Variants in USP9X observed in about 807,000 individuals in gnomAD.
USP9X encodes the protein ubiquitin carboxyl-terminal hydrolase 9X.
In USP9X, 7 loss-of-function variants were observed where a neutral mutation model predicts 190.3. The ratio of observed to expected loss-of-function variants is 0.04; its 90% CI spans 0.02 to 0.07. The LOEUF (loss-of-function observed/expected upper bound fraction) is 0.07, where lower values mean the gene tolerates loss of function less well. Ranked by LOEUF, USP9X falls within the 10% of genes least tolerant of loss-of-function variation. USP9X has a pLI of 1.00. For missense variants in USP9X, 1,010 were observed against 1,916.9 expected (o/e 0.53, Z 8.83); for synonymous variants, 645 against 659.5 (o/e 0.98, Z 0.34).
intron 15 of USP9X, among the ~76,000 whole-genome samples, chrX:41,164,302 C>G (rs941400559): frequency 9.1e-6 from 1 of 109,776 alleles, no homozygotes; most frequent in East Asian, 2.8e-4. Flanking sequence ...GAGGAAAAAC[C>G]TCTACCAAAT....
intron 1 of USP9X, among the ~76,000 whole-genome samples, chrX:41,116,248 C>G (rs1265823324): frequency 8.9e-6 from 1 of 112,362 alleles, no homozygotes; most frequent in Non-Finnish European, 1.9e-5. Flanking sequence ...CGTAAAACTT[C>G]ATGTGGTAAA....
intron 11 of USP9X, among the ~76,000 whole-genome samples, chrX:41,147,913 G>A (rs2147066728): frequency 9.0e-6 from 1 of 111,707 alleles, no homozygotes; most frequent in South Asian, 3.8e-4. Flanking sequence ...GATTCTGGAG[G>A]TTGGGAAGTA....
At chrX:41,087,450 C>G (rs1397012753) in intron 1 of USP9X, among the ~76,000 whole-genome samples, 2 of 112,206 alleles carry the variant, frequency 1.8e-5, no homozygotes, top group African/African-American at 3.2e-5. Flanking sequence ...AGATCTCGCT[C>G]GTCTTCTAAT....
Position 41,224,887 on chromosome X carries a change from C to T in USP9X, c.6897C>T (p.Thr2299=), listed in dbSNP as rs1294373551. 3.3e-6 allele frequency: 4 copies of T among 1,211,682 alleles called. No homozygotes were observed. Among genetic ancestry groups the T allele is most frequent in the East Asian group, 5.9e-5 (2 of 33,845 alleles). The part of the protein sequence containing the change: ...IIEDCSNSEE[T]VKLLRFCCWE... The stretch of plus-strand genomic sequence containing the variant: ...AAGACTGCAGTAATTCAGAGGAAAC[C>T]GTCAAATTGCTTCGTTTTTGCTGCT... Residue 2299 remains threonine, a synonymous_variant, in exon 40 of 45, where the codon ACC becomes ACT. Coordinates refer to ENST00000378308, the MANE Select transcript of USP9X (RefSeq NM_001039591.3).
At position 41,123,529 on chromosome X, in the gene USP9X, C is replaced by A; in HGVS notation, c.-100C>A. ...TTGAATTGGACCTTTTTAAGACTGA[C>A]AAATGCTGGTACTTCATCTTCTATA... is the stretch of plus-strand genomic sequence containing the variant. On this transcript the variant is annotated 5_prime_UTR_variant, in exon 2 of 45. Transcript: ENST00000378308. 1 of 696,196 alleles carries A rather than the reference C, an allele frequency of 1.4e-6. No homozygotes were observed. The highest frequency in any genetic ancestry group is 2.2e-6 in the Non-Finnish European group (1 of 446,309). The allele number at this position is 696,196 out of a possible 1,213,427, so 57.4% of individuals were successfully genotyped here. A position where few individuals can be genotyped will look rare whatever the true frequency, so the allele number is the denominator to read the frequency against.
chrX:41,115,760 C>T (rs1408635518), intron 1 of USP9X, among the ~76,000 whole-genome samples: 1 of 111,847 alleles, frequency 8.9e-6, no homozygotes, highest in Non-Finnish European at 1.9e-5. Flanking sequence ...TTTATTTAAA[C>T]ACCTTTTTTT....
In USP9X at chrX:41,129,162, C is replaced by T. The variant is rs1246828337; in HGVS notation, c.242+17C>T. The T allele has an allele frequency of 2.5e-6, 3 of 1,197,591 alleles. No individual in the cohort carries two copies. Among genetic ancestry groups the T allele is most frequent in the Non-Finnish European group, 1.1e-6 (1 of 891,558 alleles). ...GATCAACAGGTGAGTTGGTGTGTAA[C>T]ACCCAAGAAAGAGAGCAGACAGGAA... On this transcript the variant is annotated intron_variant, in intron 3 of 44. Coordinates refer to ENST00000378308, the MANE Select transcript of USP9X (RefSeq NM_001039591.3).
chrX:41,173,782 T>C (rs768573968), intron 21 of USP9X, among the ~76,000 whole-genome samples: 11 of 111,649 alleles, frequency 9.9e-5, no homozygotes, highest in Non-Finnish European at 1.9e-4. Context: ...GAAAAAACAT[T>C]GTTGAAAGTT....
At chrX:41,130,261 G>C (rs1195605454) in intron 3 of USP9X, among the ~76,000 whole-genome samples, 2 of 110,589 alleles carry the variant, frequency 1.8e-5, no homozygotes, top group Non-Finnish European at 3.8e-5. Context: ...GGTGCCTATA[G>C]TAATGGTATA....
intron 1 of USP9X, among the ~76,000 whole-genome samples, chrX:41,099,388 A>G (rs1019146773): frequency 1.8e-5 from 2 of 111,052 alleles, no homozygotes; most frequent in African/African-American, 3.3e-5. Context: ...GCTTTAGTCA[A>G]TACTGCCAAA....
At chrX:41,128,564 T>C (rs1029829367) in intron 2 of USP9X, among the ~76,000 whole-genome samples, 10 of 112,101 alleles carry the variant, frequency 8.9e-5, no homozygotes, top group Non-Finnish European at 1.5e-4. Flanking sequence ...AGTTGTCCCT[T>C]AGTATTCATG....
chrX:41,146,716 C>T (rs186768552), intron 11 of USP9X, among the ~76,000 whole-genome samples: 18 of 88,666 alleles, frequency 2.0e-4, no homozygotes, highest in Admixed American at 2.6e-4. Context: ...CTCCCCCCAC[C>T]GTGGCATTAT....
intron 3 of USP9X, 114 bp downstream of exon 3, chrX:41,129,259 TA>T: frequency 2.8e-6 from 2 of 719,901 alleles, no homozygotes; most frequent in Non-Finnish European, 3.9e-6. Flanking sequence ...CCATGATTCT[TA>T]ATAGATTTAA....
At chrX:41,101,687 A>T (rs535055642) in intron 1 of USP9X, among the ~76,000 whole-genome samples, 12 of 112,242 alleles carry the variant, frequency 1.1e-4, no homozygotes, top group African/African-American at 3.5e-4. Context: ...TAAATTAAAA[A>T]AAATAAATAA....
At chrX:41,184,752 T>G in intron 23 of USP9X, 77 bp downstream of exon 23, 1 of 894,345 alleles carries the variant, frequency 1.1e-6, no homozygotes, top group Non-Finnish European at 1.5e-6. Flanking sequence ...GTATTTTAAG[T>G]GTAGAGTTCA....
intron 21 of USP9X, among the ~76,000 whole-genome samples, chrX:41,177,592 TGTAGAGAGATGCTTTGA>T (rs1407794260): frequency 8.9e-6 from 1 of 112,413 alleles, no homozygotes; most frequent in Admixed American, 9.4e-5. Flanking sequence ...AGATGCTTTG[TGTAGAGAGATGCTTTGA>T]GACTTCGTAA....
At chrX:41,118,944 A>AGG (rs906764298) in intron 1 of USP9X, among the ~76,000 whole-genome samples, 1 of 111,543 alleles carries the variant, frequency 9.0e-6, no homozygotes, top group African/African-American at 3.3e-5. Context: ...AGTTTCAAGA[A>AGG]GGGAGAGGTG....
At chrX:41,090,518 T>C (rs777115302) in intron 1 of USP9X, among the ~76,000 whole-genome samples, 1 of 112,659 alleles carries the variant, frequency 8.9e-6, no homozygotes, top group Admixed American at 9.3e-5. Flanking sequence ...TACACACATA[T>C]CTTATATTTG....
intron 39 of USP9X, 99 bp downstream of exon 39, chrX:41,223,501 G>C (rs1199922535): frequency 1.1e-6 from 1 of 903,085 alleles, no homozygotes; most frequent in African/African-American, 2.0e-5. Flanking sequence ...GCAATGGCGT[G>C]ATCTCGGCTC....
Sources: allele counts gnomAD v4.1 joint callset (sites outside exome capture counted in the v4.1 genomes callset), GRCh38; gene constraint gnomAD v4.1.1; transcripts MANE v1.5; gene names NCBI Gene and HGNC (gene_info 2026-07-23, HGNC 2026-07-21).